The following SPATA17 variants were observed in gnomAD, a reference collection of about 807,000 sequenced individuals.
SPATA17 encodes the protein spermatogenesis associated 17.
In SPATA17, 53 loss-of-function variants were observed where a neutral mutation model predicts 62.2. The ratio of observed to expected loss-of-function variants is 0.85; its 90% confidence interval spans 0.68 to 1.07. The LOEUF (loss-of-function observed/expected upper bound fraction) is 1.07. Among genes scored for constraint, SPATA17 ranks in the 50% least tolerant of loss-of-function variants. SPATA17 has a pLI of 0.00. For missense variants in SPATA17, 466 were observed against 425.5 expected, an observed-to-expected ratio of 1.10 and a Z score of -0.84; for synonymous variants, 146 against 146.8, an observed-to-expected ratio of 0.99 and a Z score of 0.04.
chr1:217,800,541 G>C (rs570247507), intron 8 of SPATA17, among the ~76,000 whole-genome samples: 1 of 152,096 alleles, frequency 6.6e-6, no homozygotes, highest in African/African-American at 2.4e-5. Flanking sequence ...TACATGGACT[G>C]GGACATGAAC....
intron 9 of SPATA17, among the ~76,000 whole-genome samples, chr1:217,831,530 A>C (rs375158659): frequency 6.6e-6 from 1 of 152,194 alleles, no homozygotes; most frequent in South Asian, 2.1e-4. Context: ...TGCTCAAGCT[A>C]TATATGACTA....
chr1:217,705,327 C>A (rs546588690), intron 5 of SPATA17, among the ~76,000 whole-genome samples: 28 of 149,480 alleles, frequency 1.9e-4, no homozygotes, highest in African/African-American at 6.8e-4. Flanking sequence ...TGCATAGATG[C>A]AAATATTTCC....
chr1:217,704,559 A>G (rs545607594), intron 5 of SPATA17, among the ~76,000 whole-genome samples: 147 of 151,878 alleles, frequency 9.7e-4, no homozygotes, highest in African/African-American at 3.2e-3. Context: ...CCTTCCCTCT[A>G]CCTTTAAGTG....
At chr1:217,632,667 A>G (rs1323709917) in intron 1 of SPATA17, among the ~76,000 whole-genome samples, 1 of 152,212 alleles carries the variant, frequency 6.6e-6, no homozygotes, top group African/African-American at 2.4e-5. Context: ...TCCAACGTCT[A>G]TGATAGCCCC....
chr1:217,648,584 C>G (rs74142499), intron 1 of SPATA17, among the ~76,000 whole-genome samples: 2,264 of 152,228 alleles, frequency 0.015, 26 homozygotes, highest in African/African-American at 0.037. Context: ...TAACACATTT[C>G]TTACTTACTC....
At chr1:217,712,445 A>G (rs527973305) in intron 5 of SPATA17, among the ~76,000 whole-genome samples, 59 of 152,188 alleles carry the variant, frequency 3.9e-4, no homozygotes, top group Non-Finnish European at 2.4e-4. Flanking sequence ...TTCTTATATT[A>G]TGTCTTACAT....
intron 5 of SPATA17, among the ~76,000 whole-genome samples, chr1:217,684,292 A>G (rs1442275575): frequency 6.6e-6 from 1 of 152,236 alleles, no homozygotes; most frequent in East Asian, 1.9e-4. Context: ...AATAACATAT[A>G]AATGACCATA....
chr1:217,764,447 T>C (rs191357600), intron 6 of SPATA17, among the ~76,000 whole-genome samples: 2 of 152,298 alleles, frequency 1.3e-5, no homozygotes, highest in Admixed American at 1.3e-4. Context: ...TATTATTTCA[T>C]TGTTAGAGGT....
rs529189445 is a variant in SPATA17, at chr1:217,807,320, C to G, written c.1005+5470C>G. 3.3e-5 allele frequency among the ~76,000 whole-genome samples: 5 copies of G among 152,080 alleles called. No individual in the cohort carries two copies. The South Asian group carries it at 1.0e-3, about 32-fold the overall frequency. The stretch of plus-strand genomic sequence containing the variant: ...AACTACCTATTGAATGCTAGGTTCA[C>G]TATTTGGGTGATGGGATCAATAAAA... On this transcript the variant is annotated intron_variant, in intron 9 of 10. Coordinates refer to ENST00000366933, the MANE Select transcript of SPATA17 (RefSeq NM_138796.4).
chr1:217,687,597 T>C (rs1447294878), intron 5 of SPATA17, among the ~76,000 whole-genome samples: 1 of 152,188 alleles, frequency 6.6e-6, no homozygotes, highest in African/African-American at 2.4e-5. Context: ...TAGTATTCGG[T>C]ACAGCATCAT....
At chr1:217,763,823 A>G (rs1003385963) in intron 6 of SPATA17, among the ~76,000 whole-genome samples, 1 of 152,276 alleles carries the variant, frequency 6.6e-6, no homozygotes, top group Non-Finnish European at 1.5e-5. Context: ...GGGGTAGGGG[A>G]AAATCAGTAG....
intron 5 of SPATA17, among the ~76,000 whole-genome samples, chr1:217,697,606 A>C (rs923550895): frequency 6.6e-6 from 1 of 152,116 alleles, no homozygotes; most frequent in Admixed American, 6.5e-5. Flanking sequence ...TGAAAATAAA[A>C]TATATTATCT....
chr1:217,712,128 C>CTTTTTTTTTTTTTTTTTTTTTT (rs551988828), intron 5 of SPATA17, among the ~76,000 whole-genome samples: 11 of 134,118 alleles, frequency 8.2e-5, no homozygotes, highest in African/African-American at 2.6e-4. Context: ...ACAATATGTT[C>CTTTTTTTTTTTTTTTTTTTTTT]TTTTGTTTTT....
chr1:217,704,230 CTTTTTTTTTTTTTTT>C (rs560591615), intron 5 of SPATA17, among the ~76,000 whole-genome samples: 2 of 41,694 alleles, frequency 4.8e-5, no homozygotes, highest in African/African-American at 7.5e-5. Context: ...TTCCCTCTAC[CTTTTTTTTTTTTTTT>C]TTTTTTTTTT....
intron 9 of SPATA17, among the ~76,000 whole-genome samples, chr1:217,840,138 T>C (rs1675357790): frequency 6.6e-6 from 1 of 152,170 alleles, no homozygotes; most frequent in Admixed American, 6.6e-5. Flanking sequence ...ATGTCTCAAT[T>C]TGTAAGACAG....
chr1:217,715,274 CAT>C (rs1409577167), intron 5 of SPATA17, among the ~76,000 whole-genome samples: 1 of 152,120 alleles, frequency 6.6e-6, no homozygotes, highest in Non-Finnish European at 1.5e-5. Flanking sequence ...ACTCCTGAAG[CAT>C]AAAGGTTGTT....
At chr1:217,821,418 AAGAAT>A (rs1247167491) in intron 9 of SPATA17, among the ~76,000 whole-genome samples, 1 of 152,232 alleles carries the variant, frequency 6.6e-6, no homozygotes, top group East Asian at 1.9e-4. Context: ...ATAATGCAAT[AAGAAT>A]AAAGGAGTGA....
Position 217,788,353 on chromosome 1 carries a change from G to A in SPATA17, c.872+6031G>A, listed in dbSNP as rs527547268. Among the ~76,000 whole-genome samples the A allele has an allele frequency of 2.0e-5, 3 of 152,154 alleles. No homozygotes were observed. The East Asian group carries it at 5.8e-4, about 29-fold the overall frequency. Reference sequence around the variant, plus strand: ...ATTAGTTTCAATTAATTTTCTGTTAGGCATAATAATGCTTCCCCAATCCCT... The same window carrying A: ...ATTAGTTTCAATTAATTTTCTGTTAAGCATAATAATGCTTCCCCAATCCCT... On this transcript the variant is annotated intron_variant, in intron 8 of 10. Coordinates refer to ENST00000366933, the MANE Select transcript of SPATA17 (RefSeq NM_138796.4).
At chr1:217,722,763 CT>C (rs374033898) in intron 5 of SPATA17, among the ~76,000 whole-genome samples, 64 of 152,332 alleles carry the variant, frequency 4.2e-4, no homozygotes, top group African/African-American at 1.3e-3. Context: ...TAATTCCAAA[CT>C]GTCTACTGGC....
Sources: gnomAD v4.1 joint callset for allele counts (sites outside exome capture counted in the v4.1 genomes callset) on GRCh38, gnomAD v4.1.1 for gene constraint, MANE v1.5 for transcripts, NCBI Gene and HGNC (gene_info 2026-07-23, HGNC 2026-07-21) for gene names.